Variants in GALNT17 observed in about 807,000 individuals in gnomAD.
GALNT17 encodes the protein UDP-GalNAc:polypeptide N-acetylgalactosaminyltransferase-like 3.
Under a neutral mutation model 63.7 loss-of-function variants are expected in GALNT17, and 29 were observed. That is an observed-to-expected ratio of 0.46 (90% CI 0.34 to 0.62). The LOEUF (loss-of-function observed/expected upper bound fraction) is 0.62, where lower values mean the gene tolerates loss of function less well. Among genes scored for constraint, GALNT17 ranks in the 20% least tolerant of loss-of-function variants. The pLI is 0.01. For synonymous variants in GALNT17, 305 were observed against 318.3 expected (o/e 0.96, Z 0.45); for missense variants, 603 against 799.6 (o/e 0.75, Z 2.97).
chr7:71,280,191 C>G (rs1482787559), intron 1 of GALNT17, among the ~76,000 whole-genome samples: 1 of 152,018 alleles, frequency 6.6e-6, no homozygotes. Flanking sequence ...GGACCAGAGT[C>G]CAGGATAATG....
At chr7:71,617,084 T>C (rs1270218862) in intron 6 of GALNT17, among the ~76,000 whole-genome samples, 2 of 147,920 alleles carry the variant, frequency 1.4e-5, no homozygotes, top group South Asian at 2.1e-4. Context: ...ATATATGTGA[T>C]TATGTATCAG....
intron 2 of GALNT17, among the ~76,000 whole-genome samples, chr7:71,375,555 AC>A (rs1792706631): frequency 6.6e-6 from 1 of 152,028 alleles, no homozygotes; most frequent in Admixed American, 6.6e-5. Flanking sequence ...AGTAGCTAAG[AC>A]TACAGGCACG....
chr7:71,441,467 T>G (rs897839678), intron 5 of GALNT17, among the ~76,000 whole-genome samples: 4 of 152,176 alleles, frequency 2.6e-5, no homozygotes, highest in Non-Finnish European at 1.5e-5. Context: ...TTTCTTTTTC[T>G]TTTTCTTTTT....
chr7:71,256,792 G>T (rs1790297696), intron 1 of GALNT17, among the ~76,000 whole-genome samples: 1 of 152,148 alleles, frequency 6.6e-6, no homozygotes, highest in South Asian at 2.1e-4. Context: ...TGCCAACACT[G>T]CGTATCTCAG....
intron 6 of GALNT17, among the ~76,000 whole-genome samples, chr7:71,601,782 C>G (rs1789970442): frequency 6.6e-6 from 1 of 151,874 alleles, no homozygotes; most frequent in African/African-American, 2.4e-5. Context: ...AAGACCCTGT[C>G]TTTGGGAAAA....
chr7:71,550,442 G>T (rs957006406), intron 5 of GALNT17, among the ~76,000 whole-genome samples: 1 of 151,968 alleles, frequency 6.6e-6, no homozygotes, highest in Non-Finnish European at 1.5e-5. Context: ...GTGCAGTGGC[G>T]TGATTTTGGA....
At chr7:71,697,818 G>A (rs906451823) in intron 9 of GALNT17, among the ~76,000 whole-genome samples, 2 of 151,944 alleles carry the variant, frequency 1.3e-5, no homozygotes, top group South Asian at 2.1e-4. Flanking sequence ...TTTTTTCTAG[G>A]CTCATAAGAA....
At chr7:71,685,226 T>C (rs1791334123) in intron 9 of GALNT17, among the ~76,000 whole-genome samples, 1 of 151,954 alleles carries the variant, frequency 6.6e-6, no homozygotes, top group Non-Finnish European at 1.5e-5. Context: ...CGAGGCACAT[T>C]TCAGGAAATA....
chr7:71,203,012 A>G (rs28762221), intron 1 of GALNT17, among the ~76,000 whole-genome samples: 2,009 of 152,244 alleles, frequency 0.013, 41 homozygotes, highest in African/African-American at 0.046. Flanking sequence ...ACACACATAC[A>G]TACACACACA....
chr7:71,527,585 CTT>C (rs1455513058), intron 5 of GALNT17, among the ~76,000 whole-genome samples: 1 of 152,174 alleles, frequency 6.6e-6, no homozygotes, highest in Non-Finnish European at 1.5e-5. Flanking sequence ...TTTTAACTGT[CTT>C]TTCTCACTGT....
At chr7:71,400,578 A>G (rs774783226) in intron 3 of GALNT17, among the ~76,000 whole-genome samples, 1 of 152,202 alleles carries the variant, frequency 6.6e-6, no homozygotes, top group East Asian at 1.9e-4. Context: ...ATCGACAACT[A>G]TTTTTATGAG....
chr7:71,549,496 G>A (rs1197414002), intron 5 of GALNT17, among the ~76,000 whole-genome samples: 2 of 152,124 alleles, frequency 1.3e-5, no homozygotes, highest in African/African-American at 4.8e-5. Flanking sequence ...GATTGCTTGA[G>A]CCTAAGGAGT....
At chr7:71,136,110 C>T (rs540546106) in intron 1 of GALNT17, among the ~76,000 whole-genome samples, 2 of 152,270 alleles carry the variant, frequency 1.3e-5, no homozygotes, top group South Asian at 4.1e-4. Context: ...CACCTTCATC[C>T]TCTGCCGGTG....
At chr7:71,182,380 C>T (rs1483051332) in intron 1 of GALNT17, among the ~76,000 whole-genome samples, 3 of 152,232 alleles carry the variant, frequency 2.0e-5, no homozygotes, top group Non-Finnish European at 2.9e-5. Context: ...GTCCTGTGGA[C>T]GCTGCTGGCC....
At chr7:71,686,157 GT>G (rs1791354629) in intron 9 of GALNT17, among the ~76,000 whole-genome samples, 1 of 151,942 alleles carries the variant, frequency 6.6e-6, no homozygotes, top group Non-Finnish European at 1.5e-5. Context: ...GTTTCACCAT[GT>G]TAGCCAGGCT....
chr7:71,403,413 G>A (rs1328259897), intron 3 of GALNT17, among the ~76,000 whole-genome samples: 2 of 152,162 alleles, frequency 1.3e-5, no homozygotes, highest in Non-Finnish European at 2.9e-5. Context: ...CAGAGCTGAT[G>A]TTCAGCTGGA....
chr7:71,571,423 T>C, intron 6 of GALNT17, 21 bp downstream of exon 6: 6 of 1,598,408 alleles, frequency 3.8e-6, no homozygotes, highest in Non-Finnish European at 5.1e-6. Context: ...TGGTGTCCCT[T>C]CCTCTTGGTG....
At chr7:71,145,189 G>A (rs906682972) in intron 1 of GALNT17, among the ~76,000 whole-genome samples, 6 of 152,168 alleles carry the variant, frequency 3.9e-5, no homozygotes, top group Non-Finnish European at 7.3e-5. Context: ...CAGCAGTTTC[G>A]CTGGTGTGCA....
intron 7 of GALNT17, among the ~76,000 whole-genome samples, chr7:71,667,658 G>A (rs1471972097): frequency 6.6e-6 from 1 of 152,158 alleles, no homozygotes; most frequent in African/African-American, 2.4e-5. Flanking sequence ...AGAAATTGAA[G>A]CTATGAGAAG....
Sources: gnomAD v4.1 joint callset for allele counts (sites outside exome capture counted in the v4.1 genomes callset) on GRCh38, gnomAD v4.1.1 for gene constraint, MANE v1.5 for transcripts, NCBI Gene and HGNC (gene_info 2026-07-23, HGNC 2026-07-21) for gene names.